Variants in RCN1 observed in about 807,000 individuals in gnomAD.
RCN1 encodes the protein reticulocalbin-1.
Under a neutral mutation model 34.7 loss-of-function variants are expected in RCN1, and 14 were observed. The observed-to-expected ratio is 0.40, with a 90% CI of 0.27 to 0.63. RCN1 has a LOEUF of 0.63. Ranked by LOEUF, RCN1 falls within the 30% of genes least tolerant of loss-of-function variation. The pLI, the probability that RCN1 is intolerant of heterozygous loss-of-function variation, is 0.37. For synonymous variants in RCN1, 125 were observed against 165.5 expected (o/e 0.76, Z 1.88); for missense variants, 326 against 425.1 (o/e 0.77, Z 2.05).
Position 32,104,529 on chromosome 11 carries a change from T to G in RCN1, c.*57T>G. 2 of 959,012 alleles carry G rather than the reference T, an allele frequency of 2.1e-6. No homozygotes were observed. Among genetic ancestry groups the G allele is most frequent in the Non-Finnish European group, 3.3e-6 (2 of 603,830 alleles). 59.4% of individuals were successfully genotyped at this position (959,012 alleles called of 1,614,324 possible). ...TAGGCATTCTGTTATTGTCTTGGATTGTTGCTACAATTGTCTAATTTACAG... is the reference window on the plus strand; with the variant it reads ...TAGGCATTCTGTTATTGTCTTGGATGGTTGCTACAATTGTCTAATTTACAG... On this transcript the variant is annotated 3_prime_UTR_variant, in exon 6 of 6. Transcript: ENST00000054950.
intron 1 of RCN1, among the ~76,000 whole-genome samples, chr11:32,095,332 G>A (rs1401399197): frequency 4.0e-5 from 6 of 151,018 alleles, no homozygotes; most frequent in Non-Finnish European, 4.4e-5. Flanking sequence ...CTGCAGCCTC[G>A]ACCTCCTGGG....
rs775399148 is a variant in RCN1, at chr11:32,104,436, C to T, written c.960C>T (p.Tyr320=). Residue 320 remains tyrosine, a synonymous_variant, in exon 6 of 6, where the codon TAC becomes TAT. Coordinates refer to ENST00000054950, the MANE Select transcript of RCN1 (RefSeq NM_002901.4). ...TTGTCGGAAGCCAAGCTACCAATTA[C>T]GGGGAAGATCTCACAAAAAATCATG... The part of the protein sequence containing the change: ...NMFVGSQATN[Y]GEDLTKNHDE... The T allele has an allele frequency of 1.8e-5, 28 of 1,543,058 alleles. No individual in the cohort carries two copies. Among genetic ancestry groups the T allele is most frequent in the South Asian group, 1.0e-4 (9 of 88,930 alleles).
intron 1 of RCN1, among the ~76,000 whole-genome samples, chr11:32,092,579 A>G (rs1032907626): frequency 2.0e-5 from 3 of 152,076 alleles, no homozygotes; most frequent in African/African-American, 7.2e-5. Context: ...AACCCGGGAA[A>G]CAAAACTTCG....
At chr11:32,101,470 A>G (rs10835840) in intron 4 of RCN1, among the ~76,000 whole-genome samples, 84,078 of 152,052 alleles carry the variant, frequency 0.55, 23,401 homozygotes, top group East Asian at 0.67. Context: ...TTTTTAATCA[A>G]AGCCATTAAT....
intron 1 of RCN1, 194 bp downstream of exon 1, chr11:32,091,644 C>T (rs1714021401): frequency 1.6e-6 from 1 of 629,664 alleles, no homozygotes; most frequent in Non-Finnish European, 2.5e-6. Flanking sequence ...GCTTGGAGAT[C>T]GCCGCCGCCG....
At chr11:32,095,309 G>C (rs1361724315) in intron 1 of RCN1, among the ~76,000 whole-genome samples, 1 of 151,106 alleles carries the variant, frequency 6.6e-6, no homozygotes, top group Non-Finnish European at 1.5e-5. Flanking sequence ...CAGTGGTACA[G>C]TCATAGCTCA....
chr11:32,092,024 G>T (rs1387348992), intron 1 of RCN1, among the ~76,000 whole-genome samples: 1 of 152,110 alleles, frequency 6.6e-6, no homozygotes, highest in African/African-American at 2.4e-5. Flanking sequence ...GTCTGGGCGC[G>T]GTGACTCACG....
At chr11:32,102,176 G>A (rs1189645089) in intron 4 of RCN1, 2 of 152,100 alleles carry the variant, frequency 1.3e-5, no homozygotes, top group African/African-American at 4.8e-5. Flanking sequence ...AAGAGCACTG[G>A]AATTAGGAAC....
intron 4 of RCN1, 78 bp downstream of exon 4, chr11:32,100,686 C>CTTTTAG: frequency 8.6e-7 from 1 of 1,158,792 alleles, no homozygotes; most frequent in Admixed American, 1.8e-5. Context: ...GCTACTTTCC[C>CTTTTAG]CAGACGTCTC....
chr11:32,092,010 A>G (rs945546691), intron 1 of RCN1, among the ~76,000 whole-genome samples: 22 of 152,000 alleles, frequency 1.4e-4, no homozygotes, highest in Non-Finnish European at 3.1e-4. Context: ...ATCTATCGTA[A>G]GGAGTCTGGG....
At chr11:32,098,263 T>A in intron 2 of RCN1, 87 bp from the exon 3 acceptor site, 1 of 1,220,244 alleles carries the variant, frequency 8.2e-7, no homozygotes, top group Admixed American at 2.2e-5. Context: ...TATGTACCAT[T>A]TGAGCATGCA....
At chr11:32,103,744 T>C (rs1852075345) in intron 5 of RCN1, among the ~76,000 whole-genome samples, 2 of 152,188 alleles carry the variant, frequency 1.3e-5, no homozygotes, top group South Asian at 4.1e-4. Context: ...CAGAACTTTG[T>C]GGGCAGGACA....
At chr11:32,092,840 G>A (rs1590216947) in intron 1 of RCN1, among the ~76,000 whole-genome samples, 1 of 152,130 alleles carries the variant, frequency 6.6e-6, no homozygotes, top group South Asian at 2.1e-4. Flanking sequence ...GTGCTCCTGG[G>A]GGCCTCCAAA....
chr11:32,103,338 G>A lies in RCN1; in HGVS notation c.746G>A (p.Arg249Gln), dbSNP rs374560661. ...GPEPDWVLSE[R>Q]EQFNEFRDLN... The stretch of plus-strand genomic sequence containing the variant: ...GAGCCAGACTGGGTTTTATCAGAAC[G>A]GGAGCAGTTTAACGAATTCCGGGAT... The change falls in exon 5 of 6, where the codon CGG becomes CAG. Residue 249 changes from arginine to glutamine, a missense_variant. Arg to Gln is a conservative substitution (Grantham distance 43). Transcript: ENST00000054950. 15 of 1,613,758 alleles carry A rather than the reference G, an allele frequency of 9.3e-6. No individual in the cohort carries two copies. Among genetic ancestry groups the A allele is most frequent in the East Asian group, 2.2e-5 (1 of 44,890 alleles).
intron 1 of RCN1, 50 bp from the exon 2 acceptor site, chr11:32,097,094 C>T: frequency 7.2e-7 from 1 of 1,393,568 alleles, no homozygotes; most frequent in Non-Finnish European, 9.4e-7. Context: ...GATAATATAA[C>T]AGCCTTGTGC....
At chr11:32,102,843 A>T in intron 4 of RCN1, 1 of 340,598 alleles carries the variant, frequency 2.9e-6, no homozygotes, top group African/African-American at 2.2e-5. Context: ...TGTGTGTAGA[A>T]CACTTTATAC....
rs201437677 is a variant in RCN1 at position 32,098,444 on chromosome 11, T to C, written c.543T>C (p.Asn181=). ...GAAGATTCAAAGCTGCAGACCTCAA[T>C]GGTGACCTGACAGCTACTCGGGAGG... The part of the protein sequence containing the change: ...DERRFKAADL[N]GDLTATREEF... The change falls in exon 3 of 6, where the codon AAT becomes AAC. Residue 181 remains asparagine (N), a synonymous_variant. Coordinates refer to ENST00000054950, the MANE Select transcript of RCN1 (RefSeq NM_002901.4). 2.7e-5 allele frequency: 43 copies of C among 1,614,158 alleles called. No homozygotes were observed. Among genetic ancestry groups the C allele is most frequent in the Non-Finnish European group, 3.6e-5 (43 of 1,179,996 alleles).
chr11:32,101,548 T>A (rs1852042901), intron 4 of RCN1, among the ~76,000 whole-genome samples: 1 of 152,202 alleles, frequency 6.6e-6, no homozygotes, highest in Non-Finnish European at 1.5e-5. Context: ...TACTTTGCCA[T>A]CCCAGACACG....
chr11:32,091,565 C>T, intron 1 of RCN1, 115 bp downstream of exon 1: 1 of 1,356,704 alleles, frequency 7.4e-7, no homozygotes, highest in Non-Finnish European at 9.9e-7. Flanking sequence ...CGCGCGGCCT[C>T]GAGGATGGGG....
Sources: allele counts gnomAD v4.1 joint callset (sites outside exome capture counted in the v4.1 genomes callset), GRCh38; gene constraint gnomAD v4.1.1; transcripts MANE v1.5; gene names NCBI Gene and HGNC (gene_info 2026-07-23, HGNC 2026-07-21).